CDH8: variants seen among roughly 807,000 people sequenced by gnomAD.
CDH8 encodes cadherin 8.
Under a neutral mutation model 68.1 loss-of-function variants are expected in CDH8, and 17 were observed. The observed-to-expected ratio is 0.25, with a 90% CI of 0.17 to 0.37. The LOEUF is 0.37. Among genes scored for constraint, CDH8 ranks in the 10% least tolerant of loss-of-function variants. The probability of loss-of-function intolerance (pLI) is 1.00; values close to 1 mark genes in which losing one functional copy is unlikely to be tolerated. For missense variants in CDH8, 763 were observed against 999.3 expected (o/e 0.76, Z 3.19); for synonymous variants, 372 against 365.1 (o/e 1.02, Z -0.21).
intron 2 of CDH8, among the ~76,000 whole-genome samples, chr16:61,931,858 C>T (rs1159604570): frequency 6.6e-6 from 1 of 152,144 alleles, no homozygotes; most frequent in Non-Finnish European, 1.5e-5. Context: ...AGCTCATGCA[C>T]ATATACACAG....
At chr16:61,965,535 G>A (rs949906946) in intron 2 of CDH8, among the ~76,000 whole-genome samples, 2 of 152,092 alleles carry the variant, frequency 1.3e-5, no homozygotes, top group Non-Finnish European at 2.9e-5. Flanking sequence ...TTTCTGTAAG[G>A]TTTCTATGGC....
In CDH8 at chr16:61,997,745, C is replaced by T. The variant is rs138160435; in HGVS notation, c.252+23407G>A. ...TTGTGATATGGTGCCCTTAGAAAAC[C>T]GCATCACTTCTACAGGGTTTTTGTT... On this transcript the variant is annotated intron_variant, in intron 2 of 11. Coordinates refer to ENST00000577390, the MANE Select transcript of CDH8 (RefSeq NM_001796.5). 2.7e-3 allele frequency among the ~76,000 whole-genome samples: 414 copies of T among 152,112 alleles called. 1 individual carries two copies. The highest frequency in any genetic ancestry group is 4.7e-3 in the Non-Finnish European group (321 of 68,002).
chr16:61,924,835 T>C (rs1964432432), intron 2 of CDH8, among the ~76,000 whole-genome samples: 1 of 152,124 alleles, frequency 6.6e-6, no homozygotes, highest in African/African-American at 2.4e-5. Context: ...AATAAAGAGC[T>C]GTTAATTGTC....
chr16:61,886,764 T>C (rs958599752), intron 3 of CDH8, among the ~76,000 whole-genome samples: 1 of 152,218 alleles, frequency 6.6e-6, no homozygotes. Context: ...TATGTTTATG[T>C]TGAGCTACTT....
chr16:61,971,159 C>T (rs1009525890), intron 2 of CDH8, among the ~76,000 whole-genome samples: 2 of 152,144 alleles, frequency 1.3e-5, no homozygotes, highest in African/African-American at 4.8e-5. Context: ...TGATAATAAT[C>T]CACCACCCTT....
At chr16:61,768,358 C>T (rs918925550) in intron 8 of CDH8, among the ~76,000 whole-genome samples, 5 of 113,602 alleles carry the variant, frequency 4.4e-5, no homozygotes, top group African/African-American at 7.0e-5. Context: ...CTCTCTCTCT[C>T]TCTCTCTCTC....
At chr16:61,679,200 T>C (rs1171000158) in intron 10 of CDH8, among the ~76,000 whole-genome samples, 1 of 152,082 alleles carries the variant, frequency 6.6e-6, no homozygotes, top group Non-Finnish European at 1.5e-5. Context: ...AATCAGTCTA[T>C]GATGAATTCT....
At chr16:61,763,937 C>A (rs532686749) in intron 8 of CDH8, among the ~76,000 whole-genome samples, 1 of 152,170 alleles carries the variant, frequency 6.6e-6, no homozygotes, top group East Asian at 1.9e-4. Flanking sequence ...AGTTAACAAT[C>A]GCAACTAATG....
intron 8 of CDH8, among the ~76,000 whole-genome samples, chr16:61,748,180 C>A (rs1374177375): frequency 6.6e-6 from 1 of 151,742 alleles, no homozygotes; most frequent in African/African-American, 2.4e-5. Flanking sequence ...CAAACCACTA[C>A]CCTACTCCAT....
chr16:61,747,790 G>C (rs1960059463), intron 8 of CDH8, among the ~76,000 whole-genome samples: 1 of 150,870 alleles, frequency 6.6e-6, no homozygotes, highest in African/African-American at 2.4e-5. Flanking sequence ...AAAAAAAAAA[G>C]ATGCAGGAAG....
intron 2 of CDH8, among the ~76,000 whole-genome samples, chr16:61,958,002 T>A (rs543623647): frequency 6.6e-6 from 1 of 152,180 alleles, no homozygotes. Flanking sequence ...TAACATACGC[T>A]GCAATATAAA....
intron 8 of CDH8, among the ~76,000 whole-genome samples, chr16:61,781,509 T>C (rs559874073): frequency 3.9e-5 from 6 of 152,008 alleles, no homozygotes; most frequent in Non-Finnish European, 8.8e-5. Context: ...TAGGCCCAGA[T>C]GCTAGGGAGT....
intron 7 of CDH8, among the ~76,000 whole-genome samples, chr16:61,804,252 G>C (rs1414586945): frequency 6.6e-6 from 1 of 151,862 alleles, no homozygotes; most frequent in East Asian, 1.9e-4. Context: ...CAGAAATAAA[G>C]ATGTTCTTTA....
Position 61,821,105 on chromosome 16 carries a change from G to T in CDH8, c.844C>A (p.His282Asn), listed in dbSNP as rs1962205063. 6.3e-7 allele frequency: 1 copy of T among 1,598,594 alleles called. No individual in the cohort carries two copies. Among genetic ancestry groups the T allele is most frequent in the African/African-American group, 1.3e-5 (1 of 74,320 alleles). Residue 282 changes from histidine to asparagine, a missense_variant, in exon 6 of 12, where the codon CAC becomes AAC. This residue lies in a region of CDH8 where 366 missense variants were observed against 563.1 expected (regional missense o/e 0.65). Transcript: ENST00000577390. The part of the protein sequence containing the change: ...NPPKFAQSLY[H>N]FSVPEDVVLG... ...ACCACATCTTCCGGTACTGAGAAGT[G>T]ATACAGGCCTTTAAAAAGAGGAGAA...
At chr16:61,659,232 G>A (rs963693480) in intron 10 of CDH8, among the ~76,000 whole-genome samples, 1 of 152,154 alleles carries the variant, frequency 6.6e-6, no homozygotes, top group African/African-American at 2.4e-5. Flanking sequence ...TGGATCTGGA[G>A]GCAAGCAGCA....
At chr16:62,007,494 G>T (rs1401808044) in intron 2 of CDH8, among the ~76,000 whole-genome samples, 1 of 152,142 alleles carries the variant, frequency 6.6e-6, no homozygotes, top group African/African-American at 2.4e-5. Flanking sequence ...CATCATGTTT[G>T]TTGGTTCACT....
chr16:61,688,478 G>A (rs1964149894), intron 10 of CDH8, among the ~76,000 whole-genome samples: 1 of 151,894 alleles, frequency 6.6e-6, no homozygotes, highest in South Asian at 2.1e-4. Context: ...TTTTATGAGT[G>A]CTTCCTTTTT....
chr16:61,842,436 G>T (rs556294872), intron 4 of CDH8, among the ~76,000 whole-genome samples: 1 of 152,026 alleles, frequency 6.6e-6, no homozygotes, highest in African/African-American at 2.4e-5. Flanking sequence ...TTTGCCAACT[G>T]ATGTCTTATG....
rs1963250185 is a variant in CDH8, at chr16:61,866,206, AGAGT to A, written c.548-8972_548-8969del. On this transcript the variant is annotated intron_variant, in intron 3 of 11. Transcript: ENST00000577390. Reference sequence around the variant, plus strand: ...GCTACTGCACTCCAGCCTTGGTGACAGAGTGAGACCCTGTCTCAATAAAAAAAAA... The same window carrying A: ...GCTACTGCACTCCAGCCTTGGTGACAGAGACCCTGTCTCAATAAAAAAAAA... Among the ~76,000 whole-genome samples, 3 of 152,168 alleles carry A rather than the reference AGAGT, an allele frequency of 2.0e-5. No individual in the cohort carries two copies. The South Asian group carries it at 6.2e-4, about 32-fold the overall frequency.
Sources: gnomAD v4.1 joint callset for allele counts (sites outside exome capture counted in the v4.1 genomes callset) on GRCh38, gnomAD v4.1.1 for gene constraint, gnomAD v4.1.1 regional missense constraint, MANE v1.5 for transcripts, NCBI Gene and HGNC (gene_info 2026-07-23, HGNC 2026-07-21) for gene names.